The following SPATA32 variants were observed in gnomAD, a reference collection of about 807,000 sequenced individuals.
SPATA32 encodes the protein spermatogenesis-associated protein 32.
Under a neutral mutation model 35.4 loss-of-function variants are expected in SPATA32, and 28 were observed. The ratio of observed to expected loss-of-function variants is 0.79; its 90% CI spans 0.59 to 1.09. The LOEUF (loss-of-function observed/expected upper bound fraction) is 1.09. SPATA32 is among the 50% of genes least tolerant of loss of function. SPATA32 has a pLI of 0.00. For synonymous variants in SPATA32, 168 were observed against 196.3 expected (o/e 0.86, Z 1.20); for missense variants, 409 against 475.9 (o/e 0.86, Z 1.31).
At position 45,257,205 on chromosome 17, in the gene SPATA32, C is replaced by T. The variant is rs2143725372; in HGVS notation, c.16G>A (p.Ala6Thr). 1 of 1,610,680 alleles carries T rather than the reference C, an allele frequency of 6.2e-7. No individual in the cohort carries two copies. The highest frequency in any genetic ancestry group is 8.5e-7 in the Non-Finnish European group (1 of 1,178,614). The change falls in exon 2 of 5, where the codon GCC becomes ACC. Residue 6 changes from alanine (A) to threonine (T), a missense_variant and splice_region_variant. By Grantham distance (58) the Ala-to-Thr change is moderately conservative (BLOSUM62 0). Transcript: ENST00000331780. MGVTG[A>T]HGFPCCGKGS... ...TTGCCGCAGCATGGAAATCCATGGG[C>T]ACCTGACAGGGGAAAGGAGGTGAGG...
intron 1 of SPATA32, 98 bp from the exon 2 acceptor site, chr17:45,257,305 C>G (rs1361503618): frequency 1.7e-5 from 23 of 1,320,650 alleles, no homozygotes; most frequent in South Asian, 6.3e-5. Flanking sequence ...CTTCTTTTCT[C>G]TCTTCCCGGC....
In SPATA32 at chr17:45,257,191, T is replaced by C. The variant is rs144370529; in HGVS notation, c.30A>G (p.Pro10=). The C allele has an allele frequency of 3.7e-6, 6 of 1,611,850 alleles. No homozygotes were observed. The African/African-American group carries it at 8.0e-5, about 22-fold the overall frequency. ...CCTCCACTGACCCTTTGCCGCAGCA[T>C]GGAAATCCATGGGCACCTGACAGGG... MGVTGAHGF[P]CCGKGSVEVA... The change falls in exon 2 of 5, where the codon CCA becomes CCG. Residue 10 remains proline (P), a synonymous_variant. Transcript: ENST00000331780.
Position 45,255,666 on chromosome 17 carries a change from C to T in SPATA32, c.516G>A (p.Gln172=). The change falls in exon 4 of 5, where the codon CAG becomes CAA. Residue 172 remains glutamine (Q), a synonymous_variant. Transcript: ENST00000331780. This position sits in a 1 kb window ranked among gnomAD's most constrained non-coding sequence, Gnocchi z 5.4. Reference sequence around the variant, plus strand: ...TGTTGAGCTGCATGTTGATGGCCCGCTGCAGGCTGTGCTCTGAGGCCTGGA... The same window carrying T: ...TGTTGAGCTGCATGTTGATGGCCCGTTGCAGGCTGTGCTCTGAGGCCTGGA... ...KLIQASEHSL[Q]RAINMQLNNG... is the part of the protein sequence containing the mutation. 6.2e-7 allele frequency: 1 copy of T among 1,614,066 alleles called. No homozygotes were observed. The highest frequency in any genetic ancestry group is 1.1e-5 in the South Asian group (1 of 91,088).
At chr17:45,261,587 C>T (rs1015227938) in intron 1 of SPATA32, among the ~76,000 whole-genome samples, 8 of 152,222 alleles carry the variant, frequency 5.3e-5, no homozygotes, top group Non-Finnish European at 8.8e-5. Context: ...CTGAAGACTG[C>T]CGCTCCTCCC....
rs552082448 is a variant in SPATA32, at chr17:45,259,701, G to A, written c.13+2303C>T. ...CCCCCAGCTAATTTTTGTATTTTTT[G>A]TAGAGATGGGTCTTGTTATATTGCC... On this transcript the variant is annotated intron_variant, in intron 1 of 4. Coordinates refer to ENST00000331780, the MANE Select transcript of SPATA32 (RefSeq NM_152343.3). 5.3e-5 allele frequency among the ~76,000 whole-genome samples: 8 copies of A among 152,108 alleles called. No homozygotes were observed. In the South Asian group the frequency reaches 1.5e-3, roughly 28 times the overall value.
Position 45,254,396 on chromosome 17 carries a change from AGCACTGGAG to A in SPATA32, c.*21_*29del. ...TGCACAAAAGTCTAAGCCGACGGCCAGCACTGGAGGCTTTATTGGTTCTGTCTAGTCATT... is the reference window on the plus strand; with the variant it reads ...TGCACAAAAGTCTAAGCCGACGGCCAGCTTTATTGGTTCTGTCTAGTCATT... On this transcript the variant is annotated 3_prime_UTR_variant, in exon 5 of 5. Transcript: ENST00000331780. 1 of 1,603,958 alleles carries A rather than the reference AGCACTGGAG, an allele frequency of 6.2e-7. No homozygotes were observed. The highest frequency in any genetic ancestry group is 8.5e-7 in the Non-Finnish European group (1 of 1,170,842).
At chr17:45,261,827 G>T in intron 1 of SPATA32, 177 bp downstream of exon 1, 2 of 595,946 alleles carry the variant, frequency 3.4e-6, no homozygotes, top group Non-Finnish European at 4.9e-6. Context: ...GCCGTAGTCA[G>T]GGGCACCGGG....
At chr17:45,257,516 C>T (rs1386327299) in intron 1 of SPATA32, among the ~76,000 whole-genome samples, 1 of 149,000 alleles carries the variant, frequency 6.7e-6, no homozygotes, top group Admixed American at 6.8e-5. Flanking sequence ...GGTCACTTTA[C>T]CTGCTTTATC....
At chr17:45,254,809 C>T (rs935153340) in intron 4 of SPATA32, among the ~76,000 whole-genome samples, 2 of 152,184 alleles carry the variant, frequency 1.3e-5, no homozygotes, top group Non-Finnish European at 2.9e-5. Context: ...TGGTGAGGCC[C>T]GACCCCCAGG....
intron 1 of SPATA32, 149 bp from the exon 2 acceptor site, chr17:45,257,356 C>T (rs2043967957): frequency 5.7e-6 from 5 of 878,946 alleles, no homozygotes; most frequent in Non-Finnish European, 8.9e-6. Flanking sequence ...CTCCTTGTTC[C>T]CGAGCCGGTC....
intron 1 of SPATA32, among the ~76,000 whole-genome samples, chr17:45,257,677 G>C (rs918990542): frequency 6.6e-6 from 1 of 152,060 alleles, no homozygotes. Context: ...CTGTAACTGC[G>C]TGGAGTCCCA....
chr17:45,255,081 C>T lies in SPATA32; in HGVS notation c.1067+34G>A, dbSNP rs374251231. 1.2e-6 allele frequency: 2 copies of T among 1,604,182 alleles called. No homozygotes were observed. The highest frequency in any genetic ancestry group is 1.3e-5 in the African/African-American group (1 of 74,632). ...ACCCCTGCCACGTTCTAGCACAGCC[C>T]CTCTATGGGAGCTGCGGGGCTGGCC... is the stretch of plus-strand genomic sequence containing the variant. On this transcript the variant is annotated intron_variant, in intron 4 of 4. Transcript: ENST00000331780. The surrounding 1 kb of genome is among the most constrained non-coding windows in gnomAD (Gnocchi z 5.4).
chr17:45,257,254 C>T (rs757560513), intron 1 of SPATA32, 47 bp from the exon 2 acceptor site: 10 of 1,575,040 alleles, frequency 6.3e-6, no homozygotes, highest in Non-Finnish European at 8.6e-6. Flanking sequence ...GGGTAGAGGA[C>T]AGTCCCAGAG....
chr17:45,260,343 A>C (rs1265901945), intron 1 of SPATA32, among the ~76,000 whole-genome samples: 1 of 151,902 alleles, frequency 6.6e-6, no homozygotes, highest in Non-Finnish European at 1.5e-5. Flanking sequence ...TCATCTCTCC[A>C]TACCCCACTC....
rs2043959487 is a variant in SPATA32, at chr17:45,256,486, C to T, written c.69-71G>A. ...TCAGCGGGAAGGGGGTTTCTGGGGCCCTCAAAGCCCTCTGCCTTGTAACAG... is the reference window on the plus strand; with the variant it reads ...TCAGCGGGAAGGGGGTTTCTGGGGCTCTCAAAGCCCTCTGCCTTGTAACAG... On this transcript the variant is annotated intron_variant, in intron 2 of 4. Transcript: ENST00000331780. This position sits in a 1 kb window ranked among gnomAD's most constrained non-coding sequence, Gnocchi z 4.7. 5.2e-6 allele frequency: 7 copies of T among 1,344,954 alleles called. No individual in the cohort carries two copies. Among genetic ancestry groups the T allele is most frequent in the Non-Finnish European group, 7.5e-6 (7 of 935,138 alleles). 83.3% of individuals were successfully genotyped at this position (1,344,954 alleles called of 1,614,324 possible). A position where few individuals can be genotyped will look rare whatever the true frequency, so the allele number is the denominator to read the frequency against.
rs1309401977 is a variant in SPATA32 at position 45,255,147 on chromosome 17, G to T, written c.1035C>A (p.Ala345=). ...TGCTTCCCTGCAGCAGAGGGGACGT[G>T]GCTGGTGGCTGGAGAAGCTGGATTT... The part of the protein sequence containing the change: ...KGQIQLLQPP[A]TSPLLQGSKE... The change falls in exon 4 of 5, where the codon GCC becomes GCA. Residue 345 remains alanine (A), a synonymous_variant. Coordinates refer to ENST00000331780, the MANE Select transcript of SPATA32 (RefSeq NM_152343.3). This position sits in a 1 kb window ranked among gnomAD's most constrained non-coding sequence, Gnocchi z 5.4. The T allele has an allele frequency of 4.3e-6, 7 of 1,614,106 alleles. No individual in the cohort carries two copies. The highest frequency in any genetic ancestry group is 5.9e-6 in the Non-Finnish European group (7 of 1,180,048).
chr17:45,261,452 C>T (rs1467197436), intron 1 of SPATA32, among the ~76,000 whole-genome samples: 1 of 152,304 alleles, frequency 6.6e-6, no homozygotes, highest in Middle Eastern at 3.4e-3. Context: ...AAGAAAGCCA[C>T]CATTTCAGTG....
intron 1 of SPATA32, among the ~76,000 whole-genome samples, chr17:45,257,517 C>T (rs951612391): frequency 2.7e-5 from 4 of 148,922 alleles, no homozygotes; most frequent in Non-Finnish European, 4.5e-5. Context: ...GTCACTTTAC[C>T]TGCTTTATCT....
intron 4 of SPATA32, 94 bp from the exon 5 acceptor site, chr17:45,254,607 G>A (rs966795392): frequency 1.8e-6 from 2 of 1,088,156 alleles, no homozygotes; most frequent in South Asian, 1.3e-5. Context: ...GTCGCTGGGG[G>A]TAAGGGGTCT....
Sources: gnomAD v4.1 joint callset for allele counts (sites outside exome capture counted in the v4.1 genomes callset) on GRCh38, gnomAD v4.1.1 for gene constraint, Gnocchi (gnomAD v3.1) non-coding constraint, MANE v1.5 for transcripts, NCBI Gene and HGNC (gene_info 2026-07-23, HGNC 2026-07-21) for gene names.